Variants in IQSEC1 observed in about 807,000 individuals in gnomAD.
IQSEC1 encodes IQ motif and Sec7 domain ArfGEF 1, also known as IQ motif and SEC7 domain-containing protein 1.
A neutral mutation model predicts 91.0 loss-of-function variants in IQSEC1; 31 were observed. The ratio of observed to expected loss-of-function variants is 0.34; its 90% CI spans 0.26 to 0.46. IQSEC1 has a LOEUF of 0.46. Ranked by LOEUF, IQSEC1 falls within the 20% of genes least tolerant of loss-of-function variation. The pLI is 1.00. For missense variants in IQSEC1, 1,388 were observed against 1,575.6 expected (o/e 0.88, Z 2.02); for synonymous variants, 699 against 662.6 (o/e 1.05, Z -0.84).
At chr3:12,946,061 C>G (rs1289647546) in intron 1 of IQSEC1, among the ~76,000 whole-genome samples, 1 of 152,214 alleles carries the variant, frequency 6.6e-6, no homozygotes, top group African/African-American at 2.4e-5. Flanking sequence ...CAACCTTTCC[C>G]TTTCTAGGGC....
Position 13,228,649 on chromosome 3 carries a change from A to C in IQSEC1, c.272+54062T>G, listed in dbSNP as rs556330132. 8.5e-5 allele frequency among the ~76,000 whole-genome samples: 13 copies of C among 152,326 alleles called. No individual in the cohort carries two copies. The South Asian group carries it at 2.7e-3, about 32-fold the overall frequency. On this transcript the variant is annotated intron_variant, in intron 1 of 15. Transcript: ENST00000648114. ...CAAAACCTTTGCAGGGCCTGCAAGG[A>C]GTGGCAGGATCTGGCCCTGCTCACT...
At chr3:13,182,686 T>A (rs901048262) in intron 1 of IQSEC1, among the ~76,000 whole-genome samples, 1 of 152,158 alleles carries the variant, frequency 6.6e-6, no homozygotes, top group Non-Finnish European at 1.5e-5. Flanking sequence ...AGATAATCAC[T>A]TCTAAATCTC....
rs1017416825 is a variant in IQSEC1 at position 13,040,658 on chromosome 3, G to A, written c.23+32334C>T. Reference sequence around the variant, plus strand: ...CTCCGGTCCTGAGCCCCAGCCCCTGGTACCCCTTCCCAGCTCCATGGCCTT... The same window carrying A: ...CTCCGGTCCTGAGCCCCAGCCCCTGATACCCCTTCCCAGCTCCATGGCCTT... On this transcript the variant is annotated intron_variant, in intron 1 of 13. Transcript: ENST00000613206. Among the ~76,000 whole-genome samples, 3 of 152,184 alleles carry A rather than the reference G, an allele frequency of 2.0e-5. No individual in the cohort carries two copies. The East Asian group carries it at 5.8e-4, about 29-fold the overall frequency.
intron 1 of IQSEC1, among the ~76,000 whole-genome samples, chr3:13,204,750 C>T (rs1399084617): frequency 6.8e-6 from 1 of 147,886 alleles, no homozygotes; most frequent in Non-Finnish European, 1.5e-5. Flanking sequence ...ACTTTCTTTC[C>T]TTCCTTCCTT....
intron 2 of IQSEC1, among the ~76,000 whole-genome samples, chr3:13,154,431 T>TTACATATATA (rs1485945040): frequency 0.012 from 113 of 9,212 alleles, 9 homozygotes; most frequent in African/African-American, 0.049. Flanking sequence ...AAGCTGGAAC[T>TTACATATATA]TACATGCATA....
intron 1 of IQSEC1, among the ~76,000 whole-genome samples, chr3:12,962,439 G>C (rs1271813520): frequency 2.0e-5 from 3 of 152,206 alleles, no homozygotes; most frequent in African/African-American, 7.2e-5. Context: ...GGGATTTTGG[G>C]AGAACCCTTC....
At position 13,008,348 on chromosome 3, in the gene IQSEC1, C is replaced by T. The variant is rs974940216; in HGVS notation, c.23+64644G>A. Among the ~76,000 whole-genome samples the T allele has an allele frequency of 2.0e-5, 3 of 152,140 alleles. No individual in the cohort carries two copies. The highest frequency in any genetic ancestry group is 6.6e-5 in the Admixed American group (1 of 15,264). ...GAGGTAAGCATCCTCCACCAGTGAC[C>T]GTCAGGCTGTCCACTGTCCAACCCA... On this transcript the variant is annotated intron_variant, in intron 1 of 13. Transcript: ENST00000613206. This position sits in a 1 kb window ranked among gnomAD's most constrained non-coding sequence, Gnocchi z 4.1.
intron 3 of IQSEC1, among the ~76,000 whole-genome samples, chr3:12,930,774 C>T (rs976330929): frequency 5.9e-5 from 9 of 152,170 alleles, no homozygotes; most frequent in Admixed American, 3.3e-4. Context: ...CCATGATTAA[C>T]GCAGAGACCA....
chr3:12,983,007 A>C lies in IQSEC1; in HGVS notation c.24-41142T>G, dbSNP rs1471407921. Among the ~76,000 whole-genome samples the C allele has an allele frequency of 6.6e-6, 1 of 152,236 alleles. No homozygotes were observed. Among genetic ancestry groups the C allele is most frequent in the Non-Finnish European group, 1.5e-5 (1 of 68,030 alleles). ...CGTGGTAATCAACCTTCAGCAAGGT[A>C]CAGCTGTCTGCCCTCTCTGGGTGCT... On this transcript the variant is annotated intron_variant, in intron 1 of 13. Transcript: ENST00000613206. The surrounding 1 kb of genome is among the most constrained non-coding windows in gnomAD (Gnocchi z 4.3).
intron 1 of IQSEC1, among the ~76,000 whole-genome samples, chr3:12,950,327 G>GAAAT (rs1559663384): frequency 3.3e-5 from 5 of 152,160 alleles, no homozygotes; most frequent in Admixed American, 6.5e-5. Flanking sequence ...CAGAATGCAA[G>GAAAT]GATACAAAGA....
chr3:13,112,270 C>T (rs34338893), intron 2 of IQSEC1, among the ~76,000 whole-genome samples: 2 of 152,060 alleles, frequency 1.3e-5, no homozygotes, highest in Admixed American at 6.5e-5. Context: ...CATGCTGGAG[C>T]TCTGCAGTGG....
chr3:12,994,131 GCGGCCCCAGAGCGTCCGGTGGC>G lies in IQSEC1; in HGVS notation c.24-52288_24-52267del, dbSNP rs1702120423. On this transcript the variant is annotated intron_variant, in intron 1 of 13. Transcript: ENST00000613206. The surrounding 1 kb of genome is among the most constrained non-coding windows in gnomAD (Gnocchi z 4.5). ...AGAGCGCGCCGTCCCCGCGGCCGGC[GCGGCCCCAGAGCGTCCGGTGGC>G]CGGGCGCGGGGGGGCGGGGGCGGGC... Among the ~76,000 whole-genome samples, 9 of 146,256 alleles carry G rather than the reference GCGGCCCCAGAGCGTCCGGTGGC, an allele frequency of 6.2e-5. No homozygotes were observed. The highest frequency in any genetic ancestry group is 4.7e-4 in the Admixed American group (7 of 14,760).
At chr3:13,237,354 T>A (rs1008948014) in intron 1 of IQSEC1, among the ~76,000 whole-genome samples, 1 of 152,122 alleles carries the variant, frequency 6.6e-6, no homozygotes, top group Non-Finnish European at 1.5e-5. Context: ...GGGCCTCCCG[T>A]TTGCACAAAA....
chr3:13,024,376 TCCATCC>T (rs1703525994), intron 1 of IQSEC1, among the ~76,000 whole-genome samples: 1 of 8,254 alleles, frequency 1.2e-4, no homozygotes, highest in Non-Finnish European at 3.2e-4. Context: ...CATCACTCCA[TCCATCC>T]ATCCATCCAT....
chr3:13,116,494 C>T (rs545705359), intron 2 of IQSEC1, among the ~76,000 whole-genome samples: 1 of 152,310 alleles, frequency 6.6e-6, no homozygotes, highest in East Asian at 1.9e-4. Flanking sequence ...GTGCCAAGAA[C>T]ATACAATGGG....
At chr3:13,010,062 C>T (rs1319746591) in intron 1 of IQSEC1, among the ~76,000 whole-genome samples, 1 of 152,220 alleles carries the variant, frequency 6.6e-6, no homozygotes, top group African/African-American at 2.4e-5. Context: ...GTTTTCTCAT[C>T]TGCAAAATAG....
intron 1 of IQSEC1, among the ~76,000 whole-genome samples, chr3:13,234,867 ATC>A (rs969817213): frequency 1.1e-4 from 17 of 152,096 alleles, no homozygotes; most frequent in African/African-American, 4.1e-4. Context: ...AAGCTAATAA[ATC>A]TCTCTCTCTC....
At chr3:12,980,084 C>T (rs1381672992) in intron 1 of IQSEC1, among the ~76,000 whole-genome samples, 5 of 152,176 alleles carry the variant, frequency 3.3e-5, no homozygotes, top group Admixed American at 1.3e-4. Flanking sequence ...GAAGGAGAGG[C>T]GCTTGGGCCC....
intron 1 of IQSEC1, among the ~76,000 whole-genome samples, chr3:13,228,952 T>G (rs1443281786): frequency 1.3e-5 from 2 of 152,318 alleles, no homozygotes; most frequent in African/African-American, 4.8e-5. Context: ...AATCTCTCAT[T>G]GGTCTGAGAA....
Sources: allele counts gnomAD v4.1 joint callset (sites outside exome capture counted in the v4.1 genomes callset), GRCh38; gene constraint gnomAD v4.1.1; non-coding constraint Gnocchi (gnomAD v3.1); transcripts MANE v1.5; gene names NCBI Gene and HGNC (gene_info 2026-07-23, HGNC 2026-07-21).